The following NSUN3 variants were observed in gnomAD, a reference collection of about 807,000 sequenced individuals.
NSUN3 encodes the protein tRNA (cytosine(34)-C(5))-methyltransferase, mitochondrial.
Under a neutral mutation model 36.8 loss-of-function variants are expected in NSUN3, and 24 were observed. The ratio of observed to expected loss-of-function variants is 0.65; its 90% CI spans 0.47 to 0.92. The LOEUF (loss-of-function observed/expected upper bound fraction) is 0.92. NSUN3 is among the 40% of genes least tolerant of loss of function. The probability of loss-of-function intolerance (pLI) is 0.00; values close to 1 mark genes in which losing one functional copy is unlikely to be tolerated. For missense variants in NSUN3, 381 were observed against 392.8 expected (o/e 0.97, Z 0.25); for synonymous variants, 146 against 145.2 (o/e 1.01, Z -0.04).
rs960164297 is a variant in NSUN3 at position 94,075,924 on chromosome 3, T to C, written c.123-8183T>C. 10 of 1,459,454 alleles carry C rather than the reference T, an allele frequency of 6.9e-6. No homozygotes were observed. In the Admixed American group the frequency reaches 1.2e-4, roughly 17 times the overall value. 90.4% of individuals were successfully genotyped at this position (1,459,454 alleles called of 1,614,324 possible). A position where few individuals can be genotyped will look rare whatever the true frequency, so the allele number is the denominator to read the frequency against. ...AAGACGTATCTAGGACCCTTGTCCTTCTGGATCCATATTCCTTCAGGGTCT... is the reference window on the plus strand; with the variant it reads ...AAGACGTATCTAGGACCCTTGTCCTCCTGGATCCATATTCCTTCAGGGTCT... On this transcript the variant is annotated intron_variant, in intron 2 of 5. Coordinates refer to ENST00000314622, the MANE Select transcript of NSUN3 (RefSeq NM_022072.5).
rs572985724 is a variant in NSUN3, at chr3:94,076,506, C to T, written c.123-7601C>T. ...ACATCTTCTACTACTACTGTATGCC[C>T]TGTAAAGATGGTCTTTGCATCCACC... On this transcript the variant is annotated intron_variant, in intron 2 of 5. Coordinates refer to ENST00000314622, the MANE Select transcript of NSUN3 (RefSeq NM_022072.5). 9 of 787,848 alleles carry T rather than the reference C, an allele frequency of 1.1e-5. No homozygotes were observed. The African/African-American group carries it at 1.2e-4, about 10-fold the overall frequency. The allele number at this position is 787,848 out of a possible 1,614,324, so 48.8% of individuals were successfully genotyped here.
At chr3:94,082,471 G>A (rs974053636) in intron 2 of NSUN3, among the ~76,000 whole-genome samples, 2 of 152,140 alleles carry the variant, frequency 1.3e-5, no homozygotes, top group African/African-American at 4.8e-5. Flanking sequence ...CCAGGCTCCT[G>A]TGACTCACCA....
At chr3:94,122,699 A>G (rs903625459) in intron 5 of NSUN3, among the ~76,000 whole-genome samples, 38 of 152,100 alleles carry the variant, frequency 2.5e-4, no homozygotes, top group African/African-American at 8.7e-4. Context: ...AAATAATTAG[A>G]GGCAAATGTC....
At chr3:94,075,601 C>A (rs543399019) in intron 2 of NSUN3, among the ~76,000 whole-genome samples, 1 of 151,942 alleles carries the variant, frequency 6.6e-6, no homozygotes, top group African/African-American at 2.4e-5. Context: ...AAAAACTTGG[C>A]GATATAGCAT....
At chr3:94,076,079 A>G (rs2077244503) in intron 2 of NSUN3, 5 of 1,563,458 alleles carry the variant, frequency 3.2e-6, no homozygotes, top group Non-Finnish European at 3.5e-6. Flanking sequence ...ACCACCATGA[A>G]TAAACAACAA....
At chr3:94,072,491 G>A (rs1254217175) in intron 2 of NSUN3, among the ~76,000 whole-genome samples, 1 of 152,186 alleles carries the variant, frequency 6.6e-6, no homozygotes, top group East Asian at 1.9e-4. Context: ...AATGATATCA[G>A]AGTATGGTGG....
At chr3:94,068,946 A>G (rs1454927200) in intron 2 of NSUN3, among the ~76,000 whole-genome samples, 1 of 152,208 alleles carries the variant, frequency 6.6e-6, no homozygotes, top group Non-Finnish European at 1.5e-5. Context: ...TTCAGCCTTA[A>G]TCTGTGCAAA....
At chr3:94,079,981 G>A (rs1366027180) in intron 2 of NSUN3, among the ~76,000 whole-genome samples, 1 of 152,108 alleles carries the variant, frequency 6.6e-6, no homozygotes, top group Non-Finnish European at 1.5e-5. Flanking sequence ...CCGGCGAGGA[G>A]TTGTGATCCT....
At chr3:94,122,708 T>G (rs1313091378) in intron 5 of NSUN3, among the ~76,000 whole-genome samples, 1 of 152,192 alleles carries the variant, frequency 6.6e-6, no homozygotes, top group Non-Finnish European at 1.5e-5. Context: ...GAGGCAAATG[T>G]CTTTTGCCTT....
At chr3:94,116,830 C>T (rs1234601890) in intron 5 of NSUN3, among the ~76,000 whole-genome samples, 2 of 151,992 alleles carry the variant, frequency 1.3e-5, no homozygotes, top group East Asian at 1.9e-4. Flanking sequence ...AACCTCCTTT[C>T]TACAGGAGGG....
At chr3:94,068,337 G>A (rs1387167505) in intron 2 of NSUN3, among the ~76,000 whole-genome samples, 2 of 152,056 alleles carry the variant, frequency 1.3e-5, no homozygotes, top group African/African-American at 2.4e-5. Context: ...TTTGCCCTTC[G>A]TGTATCCATT....
intron 2 of NSUN3, among the ~76,000 whole-genome samples, chr3:94,068,040 TCTCC>T (rs1447581399): frequency 6.6e-6 from 1 of 151,994 alleles, no homozygotes; most frequent in Non-Finnish European, 1.5e-5. Flanking sequence ...CTTTTTCCCT[TCTCC>T]CTCTGTGCAG....
intron 5 of NSUN3, among the ~76,000 whole-genome samples, chr3:94,102,028 C>T (rs1023963424): frequency 1.3e-5 from 2 of 151,882 alleles, no homozygotes; most frequent in African/African-American, 2.4e-5. Context: ...AAAATACTGA[C>T]CCCTTCTGGT....
chr3:94,098,219 G>A (rs932891370), intron 5 of NSUN3, among the ~76,000 whole-genome samples: 2 of 151,970 alleles, frequency 1.3e-5, no homozygotes, highest in African/African-American at 4.8e-5. Context: ...TCACTAAGAC[G>A]TCTCAGTTGT....
chr3:94,107,879 T>C (rs1253670291), intron 5 of NSUN3, among the ~76,000 whole-genome samples: 1 of 152,150 alleles, frequency 6.6e-6, no homozygotes, highest in African/African-American at 2.4e-5. Flanking sequence ...GCTATTTTAC[T>C]TTCTGTAGGA....
chr3:94,083,060 A>T (rs2107246110), intron 2 of NSUN3, among the ~76,000 whole-genome samples: 1 of 150,602 alleles, frequency 6.6e-6, no homozygotes, highest in East Asian at 2.0e-4. Flanking sequence ...GCAAAGAGTG[A>T]TGGGTTCATT....
chr3:94,128,267 G>A lies in NSUN3; in HGVS notation c.*1777G>A, dbSNP rs943409841. 1 of 151,910 alleles carries A rather than the reference G, an allele frequency of 6.6e-6. No homozygotes were observed. Among genetic ancestry groups the A allele is most frequent in the Non-Finnish European group, 1.5e-5 (1 of 67,956 alleles). The allele number at this position is 151,910 out of a possible 1,614,324, so 9.4% of individuals were successfully genotyped here. A position where few individuals can be genotyped will look rare whatever the true frequency, so the allele number is the denominator to read the frequency against. On this transcript the variant is annotated 3_prime_UTR_variant, in exon 6 of 6. Coordinates refer to ENST00000314622, the MANE Select transcript of NSUN3 (RefSeq NM_022072.5). The stretch of plus-strand genomic sequence containing the variant: ...AGTAATTAAATAAAAATAAAGTAAC[G>A]CTAGAACTGTTGGACCAAATCAAGT...
At chr3:94,124,388 A>G (rs748667850) in intron 5 of NSUN3, among the ~76,000 whole-genome samples, 8 of 151,970 alleles carry the variant, frequency 5.3e-5, no homozygotes, top group Non-Finnish European at 1.2e-4. Flanking sequence ...CGGTCTCCCA[A>G]AGTGCTAGGA....
chr3:94,084,247 C>T lies in NSUN3; in HGVS notation c.263C>T (p.Ser88Leu). 1 of 1,614,108 alleles carries T rather than the reference C, an allele frequency of 6.2e-7. No homozygotes were observed. The highest frequency in any genetic ancestry group is 1.1e-5 in the South Asian group (1 of 91,070). The stretch of plus-strand genomic sequence containing the variant: ...GGATCTTTACCCAACTATCCTAAAT[C>T]AGTGAAGTGTTACCTTAGCAGAACT... ...SQGSLPNYPK[S>L]VKCYLSRTPG... is the part of the protein sequence containing the mutation. The change falls in exon 3 of 6, where the codon TCA becomes TTA. Residue 88 changes from serine to leucine, a missense_variant. Coordinates refer to ENST00000314622, the MANE Select transcript of NSUN3 (RefSeq NM_022072.5).
Sources: allele counts gnomAD v4.1 joint callset (sites outside exome capture counted in the v4.1 genomes callset), GRCh38; gene constraint gnomAD v4.1.1; transcripts MANE v1.5; gene names NCBI Gene and HGNC (gene_info 2026-07-23, HGNC 2026-07-21).